The following GPD1L variants were observed in gnomAD, a reference collection of about 807,000 sequenced individuals.
The protein encoded by GPD1L is glycerol-3-phosphate dehydrogenase 1 like.
Under a neutral mutation model 32.9 loss-of-function variants are expected in GPD1L, and 17 were observed. The ratio of observed to expected loss-of-function variants is 0.52; its 90% confidence interval spans 0.35 to 0.78. The LOEUF is 0.78. GPD1L is among the 30% of genes least tolerant of loss of function. The pLI is 0.01. For missense variants in GPD1L, 361 were observed against 447.8 expected (o/e 0.81, Z 1.75); for synonymous variants, 187 against 165.9 (o/e 1.13, Z -0.98).
At chr3:32,110,336 C>T (rs1160700240) in intron 1 of GPD1L, among the ~76,000 whole-genome samples, 2 of 152,150 alleles carry the variant, frequency 1.3e-5, no homozygotes, top group African/African-American at 4.8e-5. Flanking sequence ...GGAACTTTAG[C>T]CTTTTGCCAA....
At chr3:32,121,113 C>T (rs1252279065) in intron 1 of GPD1L, among the ~76,000 whole-genome samples, 1 of 152,052 alleles carries the variant, frequency 6.6e-6, no homozygotes, top group African/African-American at 2.4e-5. Flanking sequence ...TTGCCCACCC[C>T]GTCCCTTCCT....
chr3:32,125,464 CT>C (rs541255317), intron 1 of GPD1L, among the ~76,000 whole-genome samples: 56 of 152,234 alleles, frequency 3.7e-4, no homozygotes, highest in African/African-American at 1.3e-3. Flanking sequence ...GCTTTTTTTG[CT>C]TCTCAGCGGG....
intron 2 of GPD1L, among the ~76,000 whole-genome samples, chr3:32,133,238 G>A (rs1700612697): frequency 6.6e-6 from 1 of 152,170 alleles, no homozygotes; most frequent in Non-Finnish European, 1.5e-5. Flanking sequence ...GTTTCAGCAT[G>A]TAGATTCATA....
chr3:32,138,964 G>A (rs536623760), intron 3 of GPD1L, among the ~76,000 whole-genome samples: 1 of 152,086 alleles, frequency 6.6e-6, no homozygotes, highest in Non-Finnish European at 1.5e-5. Context: ...GAGCTGTGCC[G>A]CCCCTTCCAG....
At position 32,159,085 on chromosome 3, in the gene GPD1L, C is replaced by A. The variant is rs200392121; in HGVS notation, c.828C>A (p.Ala276=). ...TCYGGRNRRV[A]EAFARTGKTI... is the part of the protein sequence containing the mutation. Reference sequence around the variant, plus strand: ...ACGGAGGGCGGAACCGCAGGGTGGCCGAGGCCTTCGCCAGAACTGGGAAGG... The same window carrying A: ...ACGGAGGGCGGAACCGCAGGGTGGCAGAGGCCTTCGCCAGAACTGGGAAGG... The change falls in exon 6 of 8, where the codon GCC becomes GCA. Residue 276 remains alanine, a synonymous_variant. Transcript: ENST00000282541. The A allele has an allele frequency of 1.2e-6, 2 of 1,613,684 alleles. No homozygotes were observed. Among genetic ancestry groups the A allele is most frequent in the Non-Finnish European group, 1.7e-6 (2 of 1,179,988 alleles).
In GPD1L at chr3:32,166,360, C is replaced by G. The variant is rs1466092994; in HGVS notation, c.*450C>G. 1.5e-4 allele frequency: 30 copies of G among 204,380 alleles called. No individual in the cohort carries two copies. Among genetic ancestry groups the G allele is most frequent in the Non-Finnish European group, 3.0e-5 (3 of 99,562 alleles). 12.7% of individuals were successfully genotyped at this position (204,380 alleles called of 1,614,324 possible). On this transcript the variant is annotated 3_prime_UTR_variant, in exon 8 of 8. Coordinates refer to ENST00000282541, the MANE Select transcript of GPD1L (RefSeq NM_015141.4). ...TGGAGGAGTGAGTGTGTTCAAAGATCAACATATTTAACTTTTAAACACTAT... is the reference window on the plus strand; with the variant it reads ...TGGAGGAGTGAGTGTGTTCAAAGATGAACATATTTAACTTTTAAACACTAT...
chr3:32,128,107 A>T lies in GPD1L; in HGVS notation c.79A>T (p.Asn27Tyr). ...AGCTGTTGCAAAAATAATTGGTAAT[A>T]ATGTCAAGAAACTTCAGAAATTTGC... Reference protein sequence around the residue: ...GSAVAKIIGNNVKKLQKFAST... With the variant: ...GSAVAKIIGNYVKKLQKFAST... The change falls in exon 2 of 8, where the codon AAT becomes TAT. Residue 27 changes from asparagine (N) to tyrosine (Y), a missense_variant. Physicochemically the swap from Asn to Tyr is moderately radical, Grantham distance 143. Transcript: ENST00000282541. 1 of 1,613,212 alleles carries T rather than the reference A, an allele frequency of 6.2e-7. No individual in the cohort carries two copies. Among genetic ancestry groups the T allele is most frequent in the Non-Finnish European group, 8.5e-7 (1 of 1,179,172 alleles).
At chr3:32,127,261 G>A (rs1451520) in intron 1 of GPD1L, among the ~76,000 whole-genome samples, 4,980 of 152,262 alleles carry the variant, frequency 0.033, 267 homozygotes, top group African/African-American at 0.11. Context: ...ACGCCAGGAA[G>A]GTCATCTAAG....
intron 5 of GPD1L, among the ~76,000 whole-genome samples, chr3:32,150,074 T>C (rs1304052724): frequency 6.6e-6 from 1 of 152,232 alleles, no homozygotes; most frequent in Non-Finnish European, 1.5e-5. Flanking sequence ...AACATTTCCA[T>C]TATCCCCAAA....
chr3:32,146,809 G>T, intron 5 of GPD1L, 75 bp downstream of exon 5: 1 of 857,944 alleles, frequency 1.2e-6, no homozygotes. Flanking sequence ...CCTCAAGAAT[G>T]GGCTCTGTGT....
At chr3:32,151,911 C>T (rs1276984361) in intron 5 of GPD1L, 1 of 152,752 alleles carries the variant, frequency 6.5e-6, no homozygotes, top group East Asian at 1.9e-4. Flanking sequence ...TGGTAAATTA[C>T]TGGAAGATGG....
At chr3:32,164,066 G>A (rs149104806) in intron 7 of GPD1L, among the ~76,000 whole-genome samples, 140 of 152,234 alleles carry the variant, frequency 9.2e-4, no homozygotes, top group African/African-American at 2.9e-3. Flanking sequence ...AATCTTCCTC[G>A]AGAAACCTTC....
chr3:32,151,150 G>A (rs1308125765), intron 5 of GPD1L: 1 of 549,794 alleles, frequency 1.8e-6, no homozygotes, highest in Non-Finnish European at 3.5e-6. Context: ...CCCACAAAGT[G>A]CGCTTCTCTG....
intron 1 of GPD1L, among the ~76,000 whole-genome samples, chr3:32,120,246 A>G (rs1700390659): frequency 6.6e-6 from 1 of 152,124 alleles, no homozygotes; most frequent in African/African-American, 2.4e-5. Context: ...TGAACCCAGG[A>G]GACGGAGGTT....
chr3:32,121,737 C>CTATATATATATTTCTA (rs1163171353), intron 1 of GPD1L, among the ~76,000 whole-genome samples: 18 of 127,350 alleles, frequency 1.4e-4, no homozygotes, highest in Non-Finnish European at 2.5e-4. Context: ...ATATATATTT[C>CTATATATATATTTCTA]TATATATATA....
intron 7 of GPD1L, 104 bp from the exon 8 acceptor site, chr3:32,165,710 T>C (rs1701137076): frequency 2.7e-6 from 2 of 729,456 alleles, no homozygotes; most frequent in African/African-American, 1.7e-5. Context: ...GTGTTTTCCA[T>C]AGTCACATAC....
chr3:32,151,472 T>C (rs1389362465), intron 5 of GPD1L: 1 of 420,336 alleles, frequency 2.4e-6, no homozygotes, highest in Non-Finnish European at 4.2e-6. Context: ...GTTTTTTAGC[T>C]TATGTATTTA....
rs568259636 is a variant in GPD1L at position 32,168,362 on chromosome 3, C to G, written c.*2452C>G. 2 of 152,764 alleles carry G rather than the reference C, an allele frequency of 1.3e-5. No homozygotes were observed. The highest frequency in any genetic ancestry group is 4.8e-5 in the African/African-American group (2 of 41,574). The allele number at this position is 152,764 out of a possible 1,614,324, so 9.5% of individuals were successfully genotyped here. A position where few individuals can be genotyped will look rare whatever the true frequency, so the allele number is the denominator to read the frequency against. Reference sequence around the variant, plus strand: ...GGGAGGGAGACACCTAGATTAGCAGCTCAATTTGTACTACTTCAGCCAATC... The same window carrying G: ...GGGAGGGAGACACCTAGATTAGCAGGTCAATTTGTACTACTTCAGCCAATC... On this transcript the variant is annotated 3_prime_UTR_variant, in exon 8 of 8. Coordinates refer to ENST00000282541, the MANE Select transcript of GPD1L (RefSeq NM_015141.4).
chr3:32,163,475 T>G (rs1701102325), intron 7 of GPD1L, among the ~76,000 whole-genome samples: 1 of 152,174 alleles, frequency 6.6e-6, no homozygotes, highest in Non-Finnish European at 1.5e-5. Context: ...GGCCTCTGGT[T>G]TGTCATTTTT....
Sources: allele counts gnomAD v4.1 joint callset (sites outside exome capture counted in the v4.1 genomes callset), GRCh38; gene constraint gnomAD v4.1.1; transcripts MANE v1.5; gene names NCBI Gene and HGNC (gene_info 2026-07-23, HGNC 2026-07-21).